The following GRM4 variants were observed in gnomAD, a reference collection of about 807,000 sequenced individuals.
GRM4 encodes metabotropic glutamate receptor 4.
Under a neutral mutation model 81.7 loss-of-function variants are expected in GRM4, and 28 were observed. The ratio of observed to expected loss-of-function variants is 0.34; its 90% CI spans 0.25 to 0.47. The LOEUF (loss-of-function observed/expected upper bound fraction) is 0.47, where lower values mean the gene tolerates loss of function less well. Among genes scored for constraint, GRM4 ranks in the 20% least tolerant of loss-of-function variants. GRM4 has a pLI of 1.00. For missense variants in GRM4, 948 were observed against 1,290.0 expected, an observed-to-expected ratio of 0.73 and a Z score of 4.06; for synonymous variants, 488 against 528.8, an observed-to-expected ratio of 0.92 and a Z score of 1.06.
chr6:34,038,484 GA>G (rs1356029674), intron 8 of GRM4, among the ~76,000 whole-genome samples: 1 of 152,210 alleles, frequency 6.6e-6, no homozygotes, highest in Non-Finnish European at 1.5e-5. Context: ...ATCTATGAAA[GA>G]ATAACTACAC....
At chr6:34,151,324 T>G (rs1771040892) in intron 1 of GRM4, among the ~76,000 whole-genome samples, 1 of 151,690 alleles carries the variant, frequency 6.6e-6, no homozygotes, top group Non-Finnish European at 1.5e-5. Flanking sequence ...CTTCTCTCTC[T>G]TGGTCCTCTC....
Position 34,080,832 on chromosome 6 carries a change from A to T in GRM4, c.736+11051T>A, listed in dbSNP as rs554543787. ...CTTCTCTCTTCTCTCTCTCTCTCTC[A>T]CACACACACACACATACACACACAC... On this transcript the variant is annotated intron_variant, in intron 3 of 10. Coordinates refer to ENST00000538487, the MANE Select transcript of GRM4 (RefSeq NM_000841.4). The surrounding 1 kb of genome is among the most constrained non-coding windows in gnomAD (Gnocchi z 5.4). Among the ~76,000 whole-genome samples, 305 of 128,260 alleles carry T rather than the reference A, an allele frequency of 2.4e-3. No homozygotes were observed. The highest frequency in any genetic ancestry group is 3.5e-3 in the Non-Finnish European group (228 of 64,418). 84.1% of individuals were successfully genotyped at this position (128,260 alleles called of 152,430 possible). A position where few individuals can be genotyped will look rare whatever the true frequency, so the allele number is the denominator to read the frequency against.
chr6:34,150,501 AG>A (rs768987531), upstream of GRM4, among the ~76,000 whole-genome samples: 12 of 152,216 alleles, frequency 7.9e-5, no homozygotes, highest in East Asian at 7.7e-4. Context: ...GGGGGTGGGC[AG>A]AAGGGCTGTG....
chr6:34,102,211 C>T, intron 2 of GRM4: 1 of 1,474,476 alleles, frequency 6.8e-7, no homozygotes, highest in Non-Finnish European at 9.1e-7. Context: ...AATTCACACA[C>T]CAGCCTTCCT....
chr6:34,037,158 G>A (rs2451382), intron 8 of GRM4, among the ~76,000 whole-genome samples: 56,401 of 152,202 alleles, frequency 0.37, 13,903 homozygotes, highest in African/African-American at 0.7. Flanking sequence ...CAAACAGCAG[G>A]GAGTTGGATT....
intron 2 of GRM4, chr6:34,105,818 G>A (rs1769098075): frequency 6.6e-6 from 1 of 152,248 alleles, no homozygotes; most frequent in Non-Finnish European, 1.5e-5. Context: ...GCAGGCCAGA[G>A]TGTTGGGCAA....
chr6:34,028,925 C>T (rs138625651), intron 9 of GRM4, among the ~76,000 whole-genome samples: 6 of 152,318 alleles, frequency 3.9e-5, no homozygotes, highest in East Asian at 1.9e-4. Context: ...ATGGGATCCT[C>T]GGCACCCATC....
chr6:34,149,258 G>A (rs140884411), upstream of GRM4, among the ~76,000 whole-genome samples: 304 of 152,282 alleles, frequency 2.0e-3, 2 homozygotes, highest in African/African-American at 7.0e-3. Flanking sequence ...GAACCGAGCA[G>A]ACCCAGAACA....
Position 34,068,507 on chromosome 6 carries a change from A to G in GRM4, c.737-6479T>C, listed in dbSNP as rs1405210408. Among the ~76,000 whole-genome samples, 1 of 151,650 alleles carries G rather than the reference A, an allele frequency of 6.6e-6. No homozygotes were observed. Among genetic ancestry groups the G allele is most frequent in the Non-Finnish European group, 1.5e-5 (1 of 67,896 alleles). On this transcript the variant is annotated intron_variant, in intron 3 of 10. Transcript: ENST00000538487. The surrounding 1 kb of genome is among the most constrained non-coding windows in gnomAD (Gnocchi z 4.2). Reference sequence around the variant, plus strand: ...GATGCTCTCCTTGCAGCACTTCCCCATCCTCCCTGGCATGGCTCTCCCCAC... The same window carrying G: ...GATGCTCTCCTTGCAGCACTTCCCCGTCCTCCCTGGCATGGCTCTCCCCAC...
chr6:34,032,154 C>A (rs1402149240), intron 9 of GRM4, among the ~76,000 whole-genome samples: 1 of 152,132 alleles, frequency 6.6e-6, no homozygotes, highest in African/African-American at 2.4e-5. Context: ...GCCTACACAT[C>A]CATACACACA....
In GRM4 at chr6:34,133,105, C is replaced by T; in HGVS notation, c.392G>A (p.Gly131Asp). 2 of 1,613,932 alleles carry T rather than the reference C, an allele frequency of 1.2e-6. No homozygotes were observed. Among genetic ancestry groups the T allele is most frequent in the South Asian group, 1.1e-5 (1 of 91,054 alleles). The change falls in exon 2 of 11, where the codon GGC becomes GAC. Residue 131 changes from glycine (G) to aspartate (D), a missense_variant. Physicochemically the swap from Gly to Asp is moderately conservative, Grantham distance 94. Transcript: ENST00000538487. The surrounding 1 kb of genome is among the most constrained non-coding windows in gnomAD (Gnocchi z 6.5). ...GCCACTGCCACAGCGGACCTCTGTG[C>T]CATCCTTCTCGATGAGCGCCTGCAC... is the stretch of plus-strand genomic sequence containing the variant. ...TFVQALIEKDGTEVRCGSGGP... is the reference protein window; with the variant it reads ...TFVQALIEKDDTEVRCGSGGP...
rs537347060 is a variant in GRM4, at chr6:34,026,529, G to T, written c.2689+1591C>A. On this transcript the variant is annotated intron_variant, in intron 10 of 10. Transcript: ENST00000538487. ...GAGCAGCTGGAAGTGAGGCCCATGG[G>T]GGCTGCCCCACAGCCTGGAGACCCC... Among the ~76,000 whole-genome samples the T allele has an allele frequency of 9.9e-5, 15 of 152,114 alleles. No homozygotes were observed. In the East Asian group the frequency reaches 2.7e-3, roughly 27 times the overall value.
At chr6:34,149,723 C>G (rs1771008507), upstream of GRM4, among the ~76,000 whole-genome samples, 1 of 152,242 alleles carries the variant, frequency 6.6e-6, no homozygotes, top group South Asian at 2.1e-4. Context: ...GCTCTTCCCT[C>G]AGGCCAGTAT....
At chr6:34,101,296 G>A (rs1768824728) in intron 2 of GRM4, among the ~76,000 whole-genome samples, 1 of 152,166 alleles carries the variant, frequency 6.6e-6, no homozygotes, top group Admixed American at 6.5e-5. Flanking sequence ...CCTATGAGGT[G>A]GGCCCTCTTA....
intron 1 of GRM4, among the ~76,000 whole-genome samples, chr6:34,142,142 G>C (rs916598458): frequency 1.3e-5 from 2 of 152,208 alleles, no homozygotes; most frequent in African/African-American, 4.8e-5. Context: ...CTGGTGTCCA[G>C]TGCTCCAGGC....
chr6:34,076,463 C>G (rs541824629), intron 3 of GRM4, among the ~76,000 whole-genome samples: 2 of 152,298 alleles, frequency 1.3e-5, no homozygotes, highest in Non-Finnish European at 2.9e-5. Context: ...GGGGCTGGGT[C>G]AAGCCCCAGC....
rs529469950 is a variant in GRM4 at position 34,074,715 on chromosome 6, A to C, written c.737-12687T>G. Among the ~76,000 whole-genome samples the C allele has an allele frequency of 7.2e-5, 11 of 152,338 alleles. No individual in the cohort carries two copies. The highest frequency in any genetic ancestry group is 2.2e-4 in the African/African-American group (9 of 41,580). On this transcript the variant is annotated intron_variant, in intron 3 of 10. Transcript: ENST00000538487. This position sits in a 1 kb window ranked among gnomAD's most constrained non-coding sequence, Gnocchi z 4.9. ...TGAGTGATCGACTTAATATCTCAAC[A>C]CAAACCCACTTAGGCAAAACACCTT...
intron 6 of GRM4, among the ~76,000 whole-genome samples, chr6:34,050,761 C>A (rs1765575422): frequency 6.6e-6 from 1 of 152,232 alleles, no homozygotes; most frequent in South Asian, 2.1e-4. Context: ...TCTCCACCCT[C>A]ACAGTTAGGC....
chr6:34,146,715 C>T (rs1770940957), upstream of GRM4, among the ~76,000 whole-genome samples: 4 of 152,194 alleles, frequency 2.6e-5, no homozygotes, highest in Admixed American at 2.6e-4. Flanking sequence ...CAGAGGCCTC[C>T]CTCCCCATCA....
Sources: gnomAD v4.1 joint callset for allele counts (sites outside exome capture counted in the v4.1 genomes callset) on GRCh38, gnomAD v4.1.1 for gene constraint, Gnocchi (gnomAD v3.1) non-coding constraint, MANE v1.5 for transcripts, NCBI Gene and HGNC (gene_info 2026-07-23, HGNC 2026-07-21) for gene names.